EYS: variants seen among roughly 807,000 people sequenced by gnomAD.
EYS encodes the protein protein eyes shut homolog.
A neutral mutation model predicts 282.1 loss-of-function variants in EYS; 250 were observed. That is an observed-to-expected ratio of 0.89 (90% CI 0.80 to 0.98). EYS has a LOEUF of 0.98. EYS is among the 50% of genes least tolerant of loss of function. The pLI is 0.00. For synonymous variants in EYS, 1,355 were observed against 1,282.9 expected (o/e 1.06, Z -1.20); for missense variants, 4,016 against 3,709.0 (o/e 1.08, Z -2.15).
In EYS at chr6:65,344,175, A is replaced by T. The variant is rs754245105; in HGVS notation, c.1462T>A (p.Ser488Thr). Residue 488 changes from serine to threonine, a missense_variant and splice_region_variant, in exon 10 of 43, where the codon TCT becomes ACT. By Grantham distance (58) the Ser-to-Thr change is moderately conservative. Transcript: ENST00000503581. ...ACCCCTTGGCACTTTTCGCCTTCAG[A>T]TCCTTTAAAAAAAAAGAGATAAAAA... ...EYVWQLGFAGSEGEKCQGVID... is the reference protein window; with the variant it reads ...EYVWQLGFAGTEGEKCQGVID... 1 of 1,606,392 alleles carries T rather than the reference A, an allele frequency of 6.2e-7. No individual in the cohort carries two copies. Among genetic ancestry groups the T allele is most frequent in the South Asian group, 1.1e-5 (1 of 90,818 alleles).
intron 26 of EYS, among the ~76,000 whole-genome samples, chr6:64,442,163 A>G (rs1395199580): frequency 6.6e-6 from 1 of 152,178 alleles, no homozygotes; most frequent in Non-Finnish European, 1.5e-5. Context: ...AGAGATTAGG[A>G]ACTTGTTGGG....
chr6:65,616,213 T>G (rs945465992), intron 2 of EYS, among the ~76,000 whole-genome samples: 2 of 152,214 alleles, frequency 1.3e-5, no homozygotes, highest in African/African-American at 2.4e-5. Context: ...ATGACATTTT[T>G]CTAGTGTTAA....
At chr6:65,306,804 G>A (rs1282744366) in intron 11 of EYS, among the ~76,000 whole-genome samples, 4 of 97,460 alleles carry the variant, frequency 4.1e-5, no homozygotes, top group Non-Finnish European at 7.4e-5. Flanking sequence ...CTGCACTCCA[G>A]CCTGGGCAGC....
intron 35 of EYS, among the ~76,000 whole-genome samples, chr6:63,883,089 T>C (rs73762487): frequency 0.042 from 6,410 of 152,268 alleles, 473 homozygotes; most frequent in African/African-American, 0.15. Context: ...GTTCAAAGAA[T>C]TGATTCAGCC....
chr6:64,650,639 G>A (rs940249263), intron 22 of EYS, among the ~76,000 whole-genome samples: 1 of 152,012 alleles, frequency 6.6e-6, no homozygotes, highest in Admixed American at 6.5e-5. Flanking sequence ...AGCACAAATT[G>A]TCAGAGAATA....
chr6:65,280,582 T>C (rs1768188586), intron 12 of EYS, among the ~76,000 whole-genome samples: 2 of 152,096 alleles, frequency 1.3e-5, no homozygotes, highest in Admixed American at 1.3e-4. Context: ...TGAATTTAGG[T>C]TTAATAAATA....
In EYS at chr6:65,443,197, G is replaced by A. The variant is rs150789573; in HGVS notation, c.863-37830C>T. 6.2e-3 allele frequency among the ~76,000 whole-genome samples: 939 copies of A among 151,412 alleles called. 36 individuals carry two copies. Among genetic ancestry groups the A allele is most frequent in the African/African-American group, 0.02 (809 of 41,352 alleles). On this transcript the variant is annotated intron_variant, in intron 5 of 42. Transcript: ENST00000503581. ...ATGTGCACATCATATACATATGTGC[G>A]CACATATATGTATGCATCATATACA...
chr6:64,864,329 C>A (rs1766344643), intron 19 of EYS, among the ~76,000 whole-genome samples: 1 of 141,720 alleles, frequency 7.1e-6, no homozygotes, highest in Non-Finnish European at 1.5e-5. Flanking sequence ...TAAGTTGGCA[C>A]AAGTGCTATT....
rs9451160 is a variant in EYS at position 64,235,435 on chromosome 6, C to T, written c.6192-4611G>A. Reference sequence around the variant, plus strand: ...GACATGAACTCATCATTTTTTATGGCTGCATAGTATGCCATGGTGTATATG... The same window carrying T: ...GACATGAACTCATCATTTTTTATGGTTGCATAGTATGCCATGGTGTATATG... On this transcript the variant is annotated intron_variant, in intron 30 of 42. Transcript: ENST00000503581. 7.8e-3 allele frequency among the ~76,000 whole-genome samples: 1,188 copies of T among 151,876 alleles called. 16 individuals carry two copies. Among genetic ancestry groups the T allele is most frequent in the African/African-American group, 0.026 (1,084 of 41,396 alleles).
At chr6:64,691,006 G>T (rs907001447) in intron 22 of EYS, among the ~76,000 whole-genome samples, 1 of 151,604 alleles carries the variant, frequency 6.6e-6, no homozygotes, top group African/African-American at 2.4e-5. Flanking sequence ...ATAATAAAAA[G>T]TAAAAGTCAT....
intron 5 of EYS, among the ~76,000 whole-genome samples, chr6:65,453,189 A>ATTTATGTATTTAACTTCTATACTGT (rs1452255512): frequency 3.9e-5 from 6 of 152,112 alleles, no homozygotes; most frequent in Non-Finnish European, 7.4e-5. Flanking sequence ...GTATTTAACT[A>ATTTATGTATTTAACTTCTATACTGT]TTTATGTATT....
At chr6:65,014,511 C>A (rs1194651335) in intron 13 of EYS, among the ~76,000 whole-genome samples, 1 of 152,098 alleles carries the variant, frequency 6.6e-6, no homozygotes, top group Non-Finnish European at 1.5e-5. Flanking sequence ...CCTAAGGAAT[C>A]ATCACACATT....
intron 29 of EYS, among the ~76,000 whole-genome samples, chr6:64,331,601 GCC>G (rs1561934372): frequency 1.6e-5 from 2 of 128,370 alleles, no homozygotes; most frequent in African/African-American, 5.6e-5. Flanking sequence ...TAGCCCCCCC[GCC>G]CGCCCAGTTC....
At chr6:64,854,364 C>A (rs4305702) in intron 19 of EYS, among the ~76,000 whole-genome samples, 1 of 151,922 alleles carries the variant, frequency 6.6e-6, no homozygotes, top group Non-Finnish European at 1.5e-5. Flanking sequence ...TGTCCAACAA[C>A]GATAGACTGG....
At chr6:64,822,251 T>C (rs1049857128) in intron 20 of EYS, among the ~76,000 whole-genome samples, 4 of 152,034 alleles carry the variant, frequency 2.6e-5, no homozygotes, top group Admixed American at 6.6e-5. Flanking sequence ...TAAAATACTT[T>C]TCATACACAT....
intron 30 of EYS, among the ~76,000 whole-genome samples, chr6:64,237,812 T>G (rs1021357222): frequency 6.6e-5 from 10 of 152,134 alleles, no homozygotes; most frequent in Non-Finnish European, 1.3e-4. Flanking sequence ...AGAAAAATGT[T>G]TTTGCTATTT....
chr6:64,196,080 A>G (rs1267944260), intron 31 of EYS, among the ~76,000 whole-genome samples: 2 of 152,210 alleles, frequency 1.3e-5, no homozygotes, highest in Non-Finnish European at 2.9e-5. Flanking sequence ...AAAAGTGGGC[A>G]AAGGATATGA....
chr6:64,032,498 C>T (rs573554189), intron 33 of EYS, among the ~76,000 whole-genome samples: 55 of 152,300 alleles, frequency 3.6e-4, no homozygotes, highest in African/African-American at 1.3e-3. Context: ...ACAAACTGAG[C>T]GTCCTACAAT....
chr6:65,546,264 C>T (rs967487923), intron 2 of EYS, among the ~76,000 whole-genome samples: 1 of 149,028 alleles, frequency 6.7e-6, no homozygotes. Context: ...CCTGCTCAAG[C>T]TATCTGCTTA....
Sources: allele counts gnomAD v4.1 joint callset (sites outside exome capture counted in the v4.1 genomes callset), GRCh38; gene constraint gnomAD v4.1.1; transcripts MANE v1.5; gene names NCBI Gene and HGNC (gene_info 2026-07-23, HGNC 2026-07-21).